The following HYCC2 variants were observed in gnomAD, a reference collection of about 807,000 sequenced individuals.
HYCC2 encodes hyccin PI4KA lipid kinase complex subunit 2.
the HYCC2 span, among the ~76,000 whole-genome samples, chr2:201,053,037 T>C: frequency 6.6e-6 from 1 of 152,090 alleles, no homozygotes; most frequent in African/African-American, 2.4e-5. Context: ...GAGGATGGGG[T>C]CAAGTACACA....
the HYCC2 span, among the ~76,000 whole-genome samples, chr2:200,998,853 G>A: frequency 6.6e-6 from 1 of 152,156 alleles, no homozygotes; most frequent in African/African-American, 2.4e-5. Context: ...AATGTTTTTT[G>A]TAAGTCTGAA....
At chr2:200,992,191 C>T in the HYCC2 span, 30 of 821,790 alleles carry the variant, frequency 3.7e-5, 1 homozygote, top group African/African-American at 4.3e-4. Flanking sequence ...TACAAATTTT[C>T]CCCTAATTAT....
chr2:201,057,411 T>C, the HYCC2 span, among the ~76,000 whole-genome samples: 1 of 152,300 alleles, frequency 6.6e-6, no homozygotes, highest in Non-Finnish European at 1.5e-5. Flanking sequence ...GAAGCAGAGA[T>C]AAATATAGAT....
At chr2:200,984,066 G>A in the HYCC2 span, among the ~76,000 whole-genome samples, 1 of 151,606 alleles carries the variant, frequency 6.6e-6, no homozygotes, top group African/African-American at 2.4e-5. Flanking sequence ...TTGAGACAAG[G>A]TCTCACTCTG....
At chr2:200,992,152 C>G in the HYCC2 span, 1 of 626,038 alleles carries the variant, frequency 1.6e-6, no homozygotes, top group South Asian at 2.1e-5. Flanking sequence ...TGTTTTTTCT[C>G]TAACAGTTAA....
At chr2:201,022,784 A>G in the HYCC2 span, 31 of 1,197,458 alleles carry the variant, frequency 2.6e-5, no homozygotes, top group Non-Finnish European at 3.6e-5. Context: ...TTTGGTATAC[A>G]TATTTCATTT....
the HYCC2 span, among the ~76,000 whole-genome samples, chr2:201,048,815 T>C: frequency 4.6e-5 from 7 of 152,278 alleles, no homozygotes; most frequent in Middle Eastern, 6.8e-3. Flanking sequence ...CATAAACTTA[T>C]ATGTACCCAG....
the HYCC2 span, among the ~76,000 whole-genome samples, chr2:201,053,114 T>C: frequency 6.6e-6 from 1 of 152,048 alleles, no homozygotes; most frequent in Non-Finnish European, 1.5e-5. Flanking sequence ...GTACTATCTA[T>C]TAAATCTTAA....
At chr2:201,037,077 T>C in the HYCC2 span, among the ~76,000 whole-genome samples, 1 of 152,110 alleles carries the variant, frequency 6.6e-6, no homozygotes. Context: ...TGTGCAAAAA[T>C]CACAAGCATT....
chr2:201,050,336 C>T, the HYCC2 span, among the ~76,000 whole-genome samples: 1 of 151,370 alleles, frequency 6.6e-6, no homozygotes, highest in Non-Finnish European at 1.5e-5. Context: ...TCCAAATAGC[C>T]CCAAAGCAAA....
chr2:201,057,777 G>A, the HYCC2 span, among the ~76,000 whole-genome samples: 10 of 152,092 alleles, frequency 6.6e-5, no homozygotes, highest in Non-Finnish European at 1.3e-4. Context: ...CAGTCTGCTG[G>A]CATTGACCTT....
At chr2:201,030,854 C>A in the HYCC2 span, among the ~76,000 whole-genome samples, 1 of 152,164 alleles carries the variant, frequency 6.6e-6, no homozygotes, top group African/African-American at 2.4e-5. Context: ...GCTGGGATTA[C>A]AGGTGTGAGC....
chr2:200,985,439 T>C, the HYCC2 span, among the ~76,000 whole-genome samples: 47 of 152,076 alleles, frequency 3.1e-4, 1 homozygote, highest in Admixed American at 2.8e-3. Flanking sequence ...GGTGGGCAGA[T>C]TGCTTGAGCC....
At chr2:201,014,807 AT>A in the HYCC2 span, among the ~76,000 whole-genome samples, 2 of 152,348 alleles carry the variant, frequency 1.3e-5, no homozygotes, top group African/African-American at 4.8e-5. Flanking sequence ...AATTTTGTTT[AT>A]AATGTATACT....
chr2:201,037,124 T>A, the HYCC2 span, among the ~76,000 whole-genome samples: 1 of 152,174 alleles, frequency 6.6e-6, no homozygotes, highest in South Asian at 2.1e-4. Context: ...AGCCAAATCA[T>A]GAGTGAACTC....
chr2:201,022,089 A>G, the HYCC2 span: 1 of 1,289,746 alleles, frequency 7.8e-7, no homozygotes, highest in East Asian at 5.5e-5. Context: ...TCCAGTACAC[A>G]GCAGAGGCAC....
At chr2:200,984,178 T>C in the HYCC2 span, among the ~76,000 whole-genome samples, 2 of 152,170 alleles carry the variant, frequency 1.3e-5, no homozygotes, top group African/African-American at 4.8e-5. Flanking sequence ...CAGCTGGGAC[T>C]ACAGGCATCT....
chr2:201,045,363 A>G, the HYCC2 span: 1 of 392,586 alleles, frequency 2.5e-6, no homozygotes, highest in Non-Finnish European at 4.5e-6. Context: ...GCAATAATTA[A>G]GATGTCATTA....
At chr2:201,020,781 T>G in the HYCC2 span, among the ~76,000 whole-genome samples, 1 of 152,218 alleles carries the variant, frequency 6.6e-6, no homozygotes, top group Middle Eastern at 3.2e-3. Context: ...TTTTCTTTTT[T>G]CTCTGAGATG....
Sources: gnomAD v4.1 joint callset for allele counts (sites outside exome capture counted in the v4.1 genomes callset) on GRCh38, gnomAD v4.1.1 for gene constraint, MANE v1.5 for transcripts, NCBI Gene and HGNC (gene_info 2026-07-23, HGNC 2026-07-21) for gene names.